Variants in ROBO2 observed in about 807,000 individuals in gnomAD.
The protein encoded by ROBO2 is roundabout guidance receptor 2.
ROBO2 carries 53 observed loss-of-function variants against 160.8 expected under a neutral mutation model. The observed-to-expected ratio is 0.33, with a 90% CI of 0.26 to 0.41. ROBO2 has a LOEUF of 0.41. Among genes scored for constraint, ROBO2 ranks in the 10% least tolerant of loss-of-function variants. ROBO2 has a pLI of 1.00. For synonymous variants in ROBO2, 664 were observed against 611.7 expected (o/e 1.09, Z -1.26); for missense variants, 1,577 against 1,722.4 (o/e 0.92, Z 1.49).
chr3:76,663,836 G>A (rs540876863), intron 2 of ROBO2, among the ~76,000 whole-genome samples: 33 of 152,046 alleles, frequency 2.2e-4, no homozygotes, highest in African/African-American at 7.2e-4. Flanking sequence ...CCCGGGAGGC[G>A]GAGGTTGCAG....
At chr3:76,357,936 G>T (rs2075276792) in intron 2 of ROBO2, among the ~76,000 whole-genome samples, 1 of 150,236 alleles carries the variant, frequency 6.7e-6, no homozygotes, top group African/African-American at 2.4e-5. Flanking sequence ...TACCCATAAA[G>T]AAAACAGTCA....
intron 2 of ROBO2, among the ~76,000 whole-genome samples, chr3:76,032,997 A>C (rs548999153): frequency 3.9e-5 from 6 of 152,274 alleles, no homozygotes; most frequent in Admixed American, 2.6e-4. Context: ...TTTTATGTTG[A>C]AGCCTTAAAA....
chr3:76,507,451 A>G (rs1025474431), intron 2 of ROBO2, among the ~76,000 whole-genome samples: 14 of 152,062 alleles, frequency 9.2e-5, no homozygotes, highest in African/African-American at 3.4e-4. Flanking sequence ...TTGGTTTTCA[A>G]AGAAGAGTCT....
intron 1 of ROBO2, among the ~76,000 whole-genome samples, chr3:77,057,915 A>G (rs1423644419): frequency 1.3e-5 from 2 of 152,064 alleles, no homozygotes; most frequent in African/African-American, 4.8e-5. Flanking sequence ...AGGTGCATCA[A>G]ACCACCATGA....
intron 2 of ROBO2, among the ~76,000 whole-genome samples, chr3:77,470,850 G>T (rs959333686): frequency 1.1e-4 from 16 of 152,146 alleles, no homozygotes; most frequent in Non-Finnish European, 2.2e-4. Flanking sequence ...GGATGTCATT[G>T]TGCCACATAA....
intron 2 of ROBO2, among the ~76,000 whole-genome samples, chr3:75,983,760 A>G (rs1446769166): frequency 6.6e-6 from 1 of 151,346 alleles, no homozygotes; most frequent in Non-Finnish European, 1.5e-5. Context: ...GAAGTCTGCT[A>G]ATTTAAATAG....
At chr3:76,433,475 A>C (rs542066435) in intron 2 of ROBO2, among the ~76,000 whole-genome samples, 3 of 152,314 alleles carry the variant, frequency 2.0e-5, no homozygotes, top group African/African-American at 7.2e-5. Context: ...GTCAACCTAC[A>C]TTTTGGTCAA....
chr3:77,345,750 G>T (rs182085992), intron 2 of ROBO2, among the ~76,000 whole-genome samples: 1 of 152,172 alleles, frequency 6.6e-6, no homozygotes, highest in Admixed American at 6.6e-5. Flanking sequence ...TATATGCCTA[G>T]AATAAATTAT....
chr3:77,260,191 G>T (rs868005965), intron 2 of ROBO2, among the ~76,000 whole-genome samples: 1 of 152,016 alleles, frequency 6.6e-6, no homozygotes, highest in African/African-American at 2.4e-5. Flanking sequence ...GTTATTCATG[G>T]GTTCTCAGCA....
At chr3:76,328,908 T>TTTTATATATA (rs1370335347) in intron 2 of ROBO2, among the ~76,000 whole-genome samples, 1 of 136,026 alleles carries the variant, frequency 7.4e-6, no homozygotes, top group East Asian at 2.1e-4. Context: ...ATTTATGTTA[T>TTTTATATATA]TATATATATA....
intron 2 of ROBO2, among the ~76,000 whole-genome samples, chr3:75,979,777 T>C (rs2065227869): frequency 6.6e-6 from 1 of 151,620 alleles, no homozygotes; most frequent in Non-Finnish European, 1.5e-5. Context: ...AAGCTACACA[T>C]TGTTTTAGTT....
At chr3:76,716,925 T>A (rs926043920) in intron 2 of ROBO2, among the ~76,000 whole-genome samples, 10 of 152,190 alleles carry the variant, frequency 6.6e-5, no homozygotes, top group African/African-American at 2.4e-4. Context: ...TATACTAACA[T>A]CACCTTGTAG....
intron 2 of ROBO2, among the ~76,000 whole-genome samples, chr3:77,165,855 T>G (rs976559896): frequency 1.3e-5 from 2 of 152,194 alleles, no homozygotes; most frequent in Non-Finnish European, 2.9e-5. Flanking sequence ...CTGTCTTCTT[T>G]TATCCCCAAC....
At chr3:77,239,320 G>C (rs528003257) in intron 2 of ROBO2, among the ~76,000 whole-genome samples, 6 of 151,940 alleles carry the variant, frequency 3.9e-5, no homozygotes, top group South Asian at 2.1e-4. Flanking sequence ...AGAGTTGTTC[G>C]TTCCTCCCGT....
chr3:77,515,390 G>A (rs2089904120), intron 5 of ROBO2, among the ~76,000 whole-genome samples: 1 of 151,578 alleles, frequency 6.6e-6, no homozygotes, highest in African/African-American at 2.4e-5. Flanking sequence ...ATCTTGATTT[G>A]AAAATTCAAA....
At chr3:77,573,651 G>A (rs1247812159) in intron 13 of ROBO2, among the ~76,000 whole-genome samples, 1 of 151,912 alleles carries the variant, frequency 6.6e-6, no homozygotes, top group African/African-American at 2.4e-5. Flanking sequence ...TGTATTATAT[G>A]CTTTTTCCAG....
intron 23 of ROBO2, chr3:77,632,801 C>G: frequency 1.7e-6 from 1 of 594,246 alleles, no homozygotes; most frequent in Non-Finnish European, 2.7e-6. Context: ...TGCTCCATTA[C>G]CCAAACTCTC....
At chr3:77,283,630 G>C (rs1054052697) in intron 2 of ROBO2, among the ~76,000 whole-genome samples, 4 of 151,854 alleles carry the variant, frequency 2.6e-5, no homozygotes, top group Non-Finnish European at 5.9e-5. Flanking sequence ...ATACCTAACT[G>C]GTTTCCTTTA....
At chr3:76,355,706 A>G (rs2075121469) in intron 2 of ROBO2, among the ~76,000 whole-genome samples, 7 of 151,874 alleles carry the variant, frequency 4.6e-5, no homozygotes, top group Admixed American at 4.6e-4. Flanking sequence ...TGACAGATAC[A>G]TCCATATAAA....
Sources: gnomAD v4.1 joint callset for allele counts (sites outside exome capture counted in the v4.1 genomes callset) on GRCh38, gnomAD v4.1.1 for gene constraint, MANE v1.5 for transcripts, NCBI Gene and HGNC (gene_info 2026-07-23, HGNC 2026-07-21) for gene names.